Variants in SH3GLB1 observed in about 807,000 individuals in gnomAD.
SH3GLB1 encodes endophilin-B1.
SH3GLB1 carries 17 observed loss-of-function variants against 42.0 expected under a neutral mutation model. The observed-to-expected ratio is 0.40, with a 90% CI of 0.28 to 0.61. The LOEUF is 0.61. Among genes scored for constraint, SH3GLB1 ranks in the 20% least tolerant of loss-of-function variants. SH3GLB1 has a pLI of 0.36. For missense variants in SH3GLB1, 355 were observed against 426.3 expected, an observed-to-expected ratio of 0.83 and a Z score of 1.47; for synonymous variants, 132 against 146.6, an observed-to-expected ratio of 0.90 and a Z score of 0.72.
intron 2 of SH3GLB1, among the ~76,000 whole-genome samples, chr1:86,718,228 T>C (rs1171302151): frequency 6.6e-6 from 1 of 151,960 alleles, no homozygotes; most frequent in Non-Finnish European, 1.5e-5. Flanking sequence ...TTTTTTTTAG[T>C]AGAGACGGGG....
At chr1:86,717,473 G>A (rs1654600668) in intron 2 of SH3GLB1, among the ~76,000 whole-genome samples, 1 of 152,092 alleles carries the variant, frequency 6.6e-6, no homozygotes, top group Non-Finnish European at 1.5e-5. Context: ...AGGCTGGAGT[G>A]CAGTGGTGTG....
intron 5 of SH3GLB1, among the ~76,000 whole-genome samples, chr1:86,732,612 C>T (rs950302507): frequency 2.0e-5 from 3 of 152,164 alleles, no homozygotes; most frequent in Admixed American, 2.0e-4. Flanking sequence ...TCTACCCTCT[C>T]TAAAGTCTAG....
At chr1:86,708,133 T>C (rs943131591) in intron 1 of SH3GLB1, among the ~76,000 whole-genome samples, 30 of 152,220 alleles carry the variant, frequency 2.0e-4, no homozygotes, top group African/African-American at 5.8e-4. Flanking sequence ...AAAGGATGCT[T>C]CTAAAATAGA....
chr1:86,719,717 C>G, intron 3 of SH3GLB1, 82 bp downstream of exon 3: 1 of 1,425,390 alleles, frequency 7.0e-7, no homozygotes, highest in Non-Finnish European at 9.5e-7. Flanking sequence ...ATTAGTAGGC[C>G]GGGTGCAGTG....
intron 5 of SH3GLB1, among the ~76,000 whole-genome samples, chr1:86,731,890 A>G (rs938523051): frequency 6.6e-6 from 1 of 151,948 alleles, no homozygotes; most frequent in African/African-American, 2.4e-5. Flanking sequence ...AACCAGCCTG[A>G]CCAGCATGGT....
chr1:86,708,769 A>G (rs1466956537), intron 1 of SH3GLB1, among the ~76,000 whole-genome samples: 1 of 152,208 alleles, frequency 6.6e-6, no homozygotes, highest in South Asian at 2.1e-4. Context: ...CCATCTTTTT[A>G]GTCCAAACTT....
At chr1:86,730,648 C>T (rs1315111849) in intron 5 of SH3GLB1, among the ~76,000 whole-genome samples, 2 of 151,944 alleles carry the variant, frequency 1.3e-5, no homozygotes, top group African/African-American at 4.8e-5. Context: ...TACAGGTGCC[C>T]GCCACCACGC....
chr1:86,716,258 TTTTGTTTGTTTG>T (rs534830553), intron 2 of SH3GLB1, among the ~76,000 whole-genome samples: 11 of 123,604 alleles, frequency 8.9e-5, no homozygotes, highest in East Asian at 2.7e-4. Context: ...TGGTGTGTTT[TTTTGTTTGTTTG>T]TTTGTTTGTT....
chr1:86,712,879 C>T (rs1654292622), intron 1 of SH3GLB1, among the ~76,000 whole-genome samples: 1 of 151,948 alleles, frequency 6.6e-6, no homozygotes, highest in African/African-American at 2.4e-5. Flanking sequence ...CCCATCTTTG[C>T]TCTGTTATAC....
chr1:86,730,011 T>C (rs982514398), intron 5 of SH3GLB1: 3 of 1,351,770 alleles, frequency 2.2e-6, no homozygotes, highest in Admixed American at 4.8e-5. Flanking sequence ...ATATTTATAT[T>C]TTTCTATACT....
intron 7 of SH3GLB1, among the ~76,000 whole-genome samples, chr1:86,737,293 G>C (rs1333108753): frequency 1.3e-5 from 2 of 152,040 alleles, no homozygotes; most frequent in Non-Finnish European, 2.9e-5. Context: ...AGGTAAAAAT[G>C]GCCTTTCAGT....
At chr1:86,729,462 G>A (rs1418305816) in intron 5 of SH3GLB1, among the ~76,000 whole-genome samples, 1 of 151,972 alleles carries the variant, frequency 6.6e-6, no homozygotes, top group African/African-American at 2.4e-5. Context: ...TGTTTCCATT[G>A]TCCTATCTAT....
rs944203035 is a variant in SH3GLB1, at chr1:86,745,953, A to C, written c.*2718A>C. On this transcript the variant is annotated 3_prime_UTR_variant, in exon 9 of 9. Coordinates refer to ENST00000370558, the MANE Select transcript of SH3GLB1 (RefSeq NM_016009.5). ...TTGTAGGCTCTTCTATAAATGAAAA[A>C]AAAAGTGATTGGATTGTGTCTACCT... 6 of 152,664 alleles carry C rather than the reference A, an allele frequency of 3.9e-5. No individual in the cohort carries two copies. Among genetic ancestry groups the C allele is most frequent in the African/African-American group, 1.4e-4 (6 of 41,452 alleles). 9.5% of individuals were successfully genotyped at this position (152,664 alleles called of 1,614,324 possible).
intron 1 of SH3GLB1, among the ~76,000 whole-genome samples, chr1:86,712,261 A>G (rs1654257834): frequency 6.6e-6 from 1 of 152,202 alleles, no homozygotes; most frequent in Non-Finnish European, 1.5e-5. Flanking sequence ...TGTAGAAAGC[A>G]GAAGTGATCT....
At chr1:86,732,388 G>A (rs1293374942) in intron 5 of SH3GLB1, among the ~76,000 whole-genome samples, 1 of 152,192 alleles carries the variant, frequency 6.6e-6, no homozygotes, top group African/African-American at 2.4e-5. Flanking sequence ...CAGAATATCA[G>A]CCCTTTCTTA....
At chr1:86,716,445 T>C (rs910676683) in intron 2 of SH3GLB1, among the ~76,000 whole-genome samples, 2 of 152,136 alleles carry the variant, frequency 1.3e-5, no homozygotes, top group African/African-American at 4.8e-5. Flanking sequence ...CAGCTAATTT[T>C]TTTTTGTGTG....
Position 86,734,663 on chromosome 1 carries a change from TTCTGCTAGAGGGAA to T in SH3GLB1, c.635_648del (p.Leu212GlnfsTer13). 1.9e-6 allele frequency: 3 copies of T among 1,613,340 alleles called. No homozygotes were observed. The highest frequency in any genetic ancestry group is 2.5e-6 in the Non-Finnish European group (3 of 1,179,372). Reference sequence around the variant, plus strand: ...GATCGTCAAGCAGAGATTACCAGACTTCTGCTAGAGGGAATCAGCAGTACACATGTGAGTATTCA... The same window carrying T: ...GATCGTCAAGCAGAGATTACCAGACTTCAGCAGTACACATGTGAGTATTCA... On this transcript the variant is annotated frameshift_variant, in exon 6 of 9. Coordinates refer to ENST00000370558, the MANE Select transcript of SH3GLB1 (RefSeq NM_016009.5). LOFTEE classifies it high-confidence loss of function.
At chr1:86,723,104 A>G (rs1408188740) in intron 4 of SH3GLB1, among the ~76,000 whole-genome samples, 4 of 152,232 alleles carry the variant, frequency 2.6e-5, no homozygotes, top group Non-Finnish European at 5.9e-5. Context: ...TAATTTGCAG[A>G]TTTCCTATTA....
At chr1:86,718,042 GT>G (rs34852185) in intron 2 of SH3GLB1, among the ~76,000 whole-genome samples, 193 of 139,470 alleles carry the variant, frequency 1.4e-3, no homozygotes, top group Middle Eastern at 3.7e-3. Flanking sequence ...ACACAAAGCT[GT>G]TTTTTTTTTT....
Sources: gnomAD v4.1 joint callset for allele counts (sites outside exome capture counted in the v4.1 genomes callset) on GRCh38, gnomAD v4.1.1 for gene constraint, MANE v1.5 for transcripts, NCBI Gene and HGNC (gene_info 2026-07-23, HGNC 2026-07-21) for gene names.